TNRC6C: variants seen among roughly 807,000 people sequenced by gnomAD.
The protein encoded by TNRC6C is trinucleotide repeat-containing gene 6C protein.
In TNRC6C, 20 loss-of-function variants were observed where a neutral mutation model predicts 153.7. The observed-to-expected ratio is 0.13, with a 90% CI of 0.09 to 0.19. TNRC6C has a LOEUF of 0.19. Ranked by LOEUF, TNRC6C falls within the 10% of genes least tolerant of loss-of-function variation. The pLI is 1.00. For synonymous variants in TNRC6C, 811 were observed against 841.4 expected, an observed-to-expected ratio of 0.96 and a Z score of 0.63; for missense variants, 1,987 against 2,172.0, an observed-to-expected ratio of 0.91 and a Z score of 1.69.
intron 2 of TNRC6C, among the ~76,000 whole-genome samples, chr17:78,034,202 C>T (rs959224191): frequency 2.6e-5 from 4 of 152,206 alleles, no homozygotes; most frequent in African/African-American, 2.4e-5. Context: ...GGATTACAGG[C>T]GACCACCACC....
intron 1 of TNRC6C, among the ~76,000 whole-genome samples, chr17:78,006,286 A>C (rs1294699813): frequency 6.6e-6 from 1 of 152,240 alleles, no homozygotes; most frequent in African/African-American, 2.4e-5. Flanking sequence ...AAAAAGCAGC[A>C]TAGCAAAAAG....
At chr17:78,108,490 A>T (rs1359511693) in exon 20 of TNRC6C, 1 of 152,338 alleles carries the variant, frequency 6.6e-6, no homozygotes, top group Non-Finnish European at 1.5e-5. Context: ...TACAGGGGCA[A>T]ACTGTACCCG....
intron 17 of TNRC6C, among the ~76,000 whole-genome samples, chr17:78,101,495 GATC>G (rs2144653926): frequency 6.6e-6 from 1 of 152,262 alleles, no homozygotes; most frequent in South Asian, 2.1e-4. Context: ...AGACCAGCTT[GATC>G]AGGGAGACCC....
At chr17:78,106,568 A>G (rs1340884637) in exon 20 of TNRC6C, 3 of 151,518 alleles carry the variant, frequency 2.0e-5, no homozygotes, top group Non-Finnish European at 2.9e-5. Context: ...AAAAAAAGAA[A>G]AAGAGGAAAA....
rs576711543 is a variant in TNRC6C, at chr17:77,984,966, T to C, written c.-37-19204T>C. On this transcript the variant is annotated intron_variant, in intron 1 of 22. Coordinates refer to the TNRC6C transcript ENST00000636222. ...TAACCACCTTTTACTAGTTAACACA[T>C]CTTCATATTAACTCTATCCTGTTCT... Among the ~76,000 whole-genome samples the C allele has an allele frequency of 1.1e-4, 17 of 152,318 alleles. No individual in the cohort carries two copies. The South Asian group carries it at 3.5e-3, about 32-fold the overall frequency.
chr17:78,022,109 A>G (rs185014010), intron 1 of TNRC6C, among the ~76,000 whole-genome samples: 72 of 152,266 alleles, frequency 4.7e-4, no homozygotes, highest in African/African-American at 1.5e-3. Flanking sequence ...TGCTGGCCAT[A>G]TATGGTCTCT....
At chr17:77,957,880 C>G (rs2070820392), upstream of TNRC6C, among the ~76,000 whole-genome samples, 2 of 152,352 alleles carry the variant, frequency 1.3e-5, no homozygotes, top group African/African-American at 4.8e-5. Flanking sequence ...TGCGTAGGCG[C>G]CGGAGCGCCC....
intron 6 of TNRC6C, 25 bp from the exon 9 acceptor site, chr17:78,073,012 A>G: frequency 6.5e-7 from 1 of 1,541,326 alleles, no homozygotes; most frequent in Non-Finnish European, 8.8e-7. Context: ...ATGTGCACTA[A>G]TGAAAACTCT....
At chr17:78,034,647 T>C (rs1205612435) in intron 2 of TNRC6C, among the ~76,000 whole-genome samples, 1 of 152,184 alleles carries the variant, frequency 6.6e-6, no homozygotes, top group African/African-American at 2.4e-5. Flanking sequence ...GAGTCTTGCC[T>C]TTAAACTAAG....
At chr17:78,004,493 G>A (rs1311211157), upstream of TNRC6C, among the ~76,000 whole-genome samples, 4 of 152,338 alleles carry the variant, frequency 2.6e-5, no homozygotes, top group South Asian at 6.2e-4. Context: ...TAAGGAAGCT[G>A]TGTTTTAGTT....
intron 17 of TNRC6C, among the ~76,000 whole-genome samples, chr17:78,100,322 C>G (rs1392122058): frequency 6.6e-6 from 1 of 152,256 alleles, no homozygotes; most frequent in Non-Finnish European, 1.5e-5. Flanking sequence ...GAGAGCCCTG[C>G]CCCACAGCAA....
At chr17:77,960,683 G>C (rs1051472789) in intron 1 of TNRC6C, among the ~76,000 whole-genome samples, 1 of 152,182 alleles carries the variant, frequency 6.6e-6, no homozygotes, top group East Asian at 1.9e-4. Flanking sequence ...TTGGTTAGTA[G>C]AGGGCACCTT....
intron 1 of TNRC6C, 28 bp downstream of exon 3, chr17:78,005,107 C>G: frequency 8.2e-7 from 1 of 1,218,938 alleles, no homozygotes; most frequent in Non-Finnish European, 1.0e-6. Flanking sequence ...TAGGGGGGTA[C>G]ATTTATGGCG....
chr17:77,968,029 A>C (rs1480873447), intron 1 of TNRC6C, among the ~76,000 whole-genome samples: 1 of 151,982 alleles, frequency 6.6e-6, no homozygotes, highest in East Asian at 1.9e-4. Flanking sequence ...TATTCTTATT[A>C]TTCTTATTCT....
intron 1 of TNRC6C, among the ~76,000 whole-genome samples, chr17:77,988,984 T>C (rs1488631402): frequency 6.6e-6 from 1 of 152,202 alleles, no homozygotes; most frequent in Non-Finnish European, 1.5e-5. Context: ...TAAGTATGTA[T>C]TGAATGAAAG....
intron 1 of TNRC6C, among the ~76,000 whole-genome samples, chr17:78,029,386 C>T (rs545820691): frequency 6.6e-6 from 1 of 152,232 alleles, no homozygotes; most frequent in Non-Finnish European, 1.5e-5. Context: ...TGTTACTATA[C>T]TGAATACTGT....
Position 78,091,496 on chromosome 17 carries a change from G to A in TNRC6C, c.3859G>A (p.Val1287Met). Residue 1287 changes from valine to methionine, a missense_variant, in exon 14 of 20, where the codon GTG becomes ATG. Val to Met is a conservative substitution (Grantham distance 21). This residue lies in a region of TNRC6C where 765 missense variants were observed against 908.6 expected (regional missense o/e 0.84). Transcript: ENST00000301624. ...CATGGACATGACCGGTGGCTTGTCG[G>A]TGAAGGACCCATCCCAGTCCCAGTC... is the stretch of plus-strand genomic sequence containing the variant. The A allele has an allele frequency of 1.9e-6, 3 of 1,609,196 alleles. No homozygotes were observed. In the African/African-American group the frequency reaches 4.0e-5, roughly 22 times the overall value.
chr17:78,065,008 T>C (rs780243090), intron 4 of TNRC6C, 71 bp downstream of exon 6: 13 of 1,475,636 alleles, frequency 8.8e-6, no homozygotes, highest in Non-Finnish European at 1.2e-5. Flanking sequence ...TTTTAAAGAT[T>C]AGAGTTTTAG....
chr17:78,071,848 G>T (rs946555811), intron 6 of TNRC6C, among the ~76,000 whole-genome samples: 2 of 152,154 alleles, frequency 1.3e-5, no homozygotes, highest in Non-Finnish European at 2.9e-5. Context: ...TCCAGAAAAA[G>T]TATCCTAACC....
Sources: allele counts gnomAD v4.1 joint callset (sites outside exome capture counted in the v4.1 genomes callset), GRCh38; gene constraint gnomAD v4.1.1; regional missense constraint gnomAD v4.1.1; transcripts MANE v1.5; gene names NCBI Gene and HGNC (gene_info 2026-07-23, HGNC 2026-07-21).